PIEZO2: variants seen among roughly 807,000 people sequenced by gnomAD.
PIEZO2 encodes the protein piezo type mechanosensitive ion channel component 2, also known as piezo-type mechanosensitive ion channel component 2.
PIEZO2 carries 172 observed loss-of-function variants against 337.3 expected under a neutral mutation model. The ratio of observed to expected loss-of-function variants is 0.51; its 90% CI spans 0.45 to 0.58. The LOEUF (loss-of-function observed/expected upper bound fraction) is 0.58. PIEZO2 is among the 20% of genes least tolerant of loss of function. The pLI is 0.00. For synonymous variants in PIEZO2, 1,251 were observed against 1,228.5 expected (o/e 1.02, Z -0.38); for missense variants, 3,028 against 3,391.3 (o/e 0.89, Z 2.66).
chr18:10,762,463 G>A (rs1294694201), intron 23 of PIEZO2, 37 bp downstream of exon 23: 1 of 1,529,878 alleles, frequency 6.5e-7, no homozygotes, highest in Admixed American at 2.0e-5. Flanking sequence ...TTATATAACG[G>A]AGTGGAGGCC....
chr18:10,873,189 T>C (rs1373119259), intron 4 of PIEZO2, among the ~76,000 whole-genome samples: 1 of 152,164 alleles, frequency 6.6e-6, no homozygotes, highest in Non-Finnish European at 1.5e-5. Context: ...ACTGTTAATA[T>C]TTTGGAAAAT....
Position 10,877,898 on chromosome 18 carries a change from G to T in PIEZO2, c.330-6483C>A, listed in dbSNP as rs1241545034. On this transcript the variant is annotated intron_variant, in intron 4 of 55. Transcript: ENST00000674853. The surrounding 1 kb of genome is among the most constrained non-coding windows in gnomAD (Gnocchi z 5.3). ...TCATTTCCCTCTACCTCAAATTCCG[G>T]CCATACTGAATGCACGTACCCAGAA... 6.6e-6 allele frequency among the ~76,000 whole-genome samples: 1 copy of T among 151,858 alleles called. No homozygotes were observed. The highest frequency in any genetic ancestry group is 2.4e-5 in the African/African-American group (1 of 41,314).
At chr18:10,934,950 G>A (rs780780071) in intron 3 of PIEZO2, among the ~76,000 whole-genome samples, 7 of 152,082 alleles carry the variant, frequency 4.6e-5, no homozygotes, top group Non-Finnish European at 8.8e-5. Context: ...AGGCCACAGA[G>A]AGGTTAACTG....
chr18:11,097,416 C>T lies in PIEZO2; in HGVS notation c.65-31194G>A, dbSNP rs543697759. The stretch of plus-strand genomic sequence containing the variant: ...TGCAACGCCTGACTCATTAACTGCC[C>T]GGCCCCTCACAGAAAAAGTTTGCTG... On this transcript the variant is annotated intron_variant, in intron 1 of 55. Coordinates refer to ENST00000674853, the MANE Select transcript of PIEZO2 (RefSeq NM_001378183.1). This position sits in a 1 kb window ranked among gnomAD's most constrained non-coding sequence, Gnocchi z 5.0. 3.3e-5 allele frequency among the ~76,000 whole-genome samples: 5 copies of T among 152,260 alleles called. No individual in the cohort carries two copies. Among genetic ancestry groups the T allele is most frequent in the Admixed American group, 6.5e-5 (1 of 15,292 alleles).
At position 10,774,001 on chromosome 18, in the gene PIEZO2, C is replaced by G; in HGVS notation, c.2567+5G>C. ...AGCATTTCATGGCTTCACAGGGGGA[C>G]TTACTCATTTTGGTGGATTGGTAAT... On this transcript the variant is annotated splice_donor_5th_base_variant and intron_variant, in intron 19 of 55. Coordinates refer to ENST00000674853, the MANE Select transcript of PIEZO2 (RefSeq NM_001378183.1). The G allele has an allele frequency of 1.4e-6, 1 of 702,932 alleles. No individual in the cohort carries two copies. The allele number at this position is 702,932 out of a possible 1,614,324, so 43.5% of individuals were successfully genotyped here.
rs1199161859 is a variant in PIEZO2, at chr18:11,109,085, A to C, written c.64+39440T>G. Among the ~76,000 whole-genome samples, 1 of 152,196 alleles carries C rather than the reference A, an allele frequency of 6.6e-6. No individual in the cohort carries two copies. The highest frequency in any genetic ancestry group is 1.5e-5 in the Non-Finnish European group (1 of 68,046). On this transcript the variant is annotated intron_variant, in intron 1 of 55. Transcript: ENST00000674853. The surrounding 1 kb of genome is among the most constrained non-coding windows in gnomAD (Gnocchi z 5.1). ...CCCCTCTGTTTCCAGCATCCTGGGC[A>C]AAGGGTGACATCATGTCAGAGAACT...
Position 11,027,678 on chromosome 18 carries a change from G to A in PIEZO2, c.160+38449C>T, listed in dbSNP as rs1280184944. Among the ~76,000 whole-genome samples, 1 of 152,076 alleles carries A rather than the reference G, an allele frequency of 6.6e-6. No homozygotes were observed. Among genetic ancestry groups the A allele is most frequent in the Non-Finnish European group, 1.5e-5 (1 of 68,010 alleles). ...TCGGTGGGGTTTAAGTTCCATTTGG[G>A]GTTGTCTTTCACAATTATGTTGTAC... On this transcript the variant is annotated intron_variant, in intron 2 of 55. Transcript: ENST00000674853. The surrounding 1 kb of genome is among the most constrained non-coding windows in gnomAD (Gnocchi z 4.2).
Position 10,962,385 on chromosome 18 carries a change from C to T in PIEZO2, c.286+17150G>A, listed in dbSNP as rs180740331. Among the ~76,000 whole-genome samples the T allele has an allele frequency of 5.9e-5, 9 of 152,298 alleles. No individual in the cohort carries two copies. Among genetic ancestry groups the T allele is most frequent in the East Asian group, 3.9e-4 (2 of 5,172 alleles). ...ACTCACAACTGGCATTTTCCTTCCA[C>T]ACTTTCTCAATTGTCCCTTAACACT... On this transcript the variant is annotated intron_variant, in intron 3 of 55. Coordinates refer to ENST00000674853, the MANE Select transcript of PIEZO2 (RefSeq NM_001378183.1). The surrounding 1 kb of genome is among the most constrained non-coding windows in gnomAD (Gnocchi z 4.1).
At chr18:10,704,686 T>A (rs1567967279) in intron 41 of PIEZO2, 34 bp from the exon 42 acceptor site, 2 of 1,521,368 alleles carry the variant, frequency 1.3e-6, no homozygotes. Context: ...ATATGTCTAT[T>A]TTTTTTCTTC....
At chr18:10,687,797 A>C (rs1705336326) in intron 49 of PIEZO2, among the ~76,000 whole-genome samples, 1 of 152,114 alleles carries the variant, frequency 6.6e-6, no homozygotes, top group Non-Finnish European at 1.5e-5. Flanking sequence ...ATGGAGAGAG[A>C]GGCCTGGCTA....
rs2040607520 is a variant in PIEZO2, at chr18:10,824,357, C to A, written c.918-17083G>T. 6.6e-6 allele frequency among the ~76,000 whole-genome samples: 1 copy of A among 152,166 alleles called. No individual in the cohort carries two copies. The highest frequency in any genetic ancestry group is 2.1e-4 in the South Asian group (1 of 4,826). On this transcript the variant is annotated intron_variant, in intron 7 of 55. Transcript: ENST00000674853. The surrounding 1 kb of genome is among the most constrained non-coding windows in gnomAD (Gnocchi z 4.4). ...CTTGGTTTCCCATCTGCAGCTTTCT[C>A]TGCTGGAGTTTTTCAAAACTTCTTT...
chr18:10,882,844 T>TTC (rs1246799369), intron 4 of PIEZO2, among the ~76,000 whole-genome samples: 1 of 138,382 alleles, frequency 7.2e-6, no homozygotes, highest in Non-Finnish European at 1.6e-5. Flanking sequence ...CTTTTTTTCT[T>TTC]TTTTTTTTTT....
chr18:10,922,939 G>T (rs1372064257), intron 3 of PIEZO2, among the ~76,000 whole-genome samples: 1 of 152,110 alleles, frequency 6.6e-6, no homozygotes, highest in Non-Finnish European at 1.5e-5. Context: ...GACCTTTACT[G>T]TGTAAGTCTG....
rs2036818339 is a variant in PIEZO2 at position 11,033,644 on chromosome 18, T to A, written c.160+32483A>T. ...AGCTAGTCTGAAAACATAAACCATA[T>A]AACGAGTCAGACATATATAGCACAT... On this transcript the variant is annotated intron_variant, in intron 2 of 55. Transcript: ENST00000674853. The surrounding 1 kb of genome is among the most constrained non-coding windows in gnomAD (Gnocchi z 4.2). 6.6e-6 allele frequency among the ~76,000 whole-genome samples: 1 copy of A among 152,134 alleles called. No homozygotes were observed. The highest frequency in any genetic ancestry group is 1.5e-5 in the Non-Finnish European group (1 of 68,022).
At position 10,833,517 on chromosome 18, in the gene PIEZO2, A is replaced by G. The variant is rs1027133750; in HGVS notation, c.917+21836T>C. Among the ~76,000 whole-genome samples the G allele has an allele frequency of 6.6e-6, 1 of 152,060 alleles. No individual in the cohort carries two copies. The highest frequency in any genetic ancestry group is 1.5e-5 in the Non-Finnish European group (1 of 68,000). On this transcript the variant is annotated intron_variant, in intron 7 of 55. Transcript: ENST00000674853. The surrounding 1 kb of genome is among the most constrained non-coding windows in gnomAD (Gnocchi z 4.7). ...CCCGGTGGGTTTTTATTTCTGTTGG[A>G]GTTCAGAATAACCCGTCTGTGCCCC...
intron 2 of PIEZO2, among the ~76,000 whole-genome samples, chr18:11,017,022 C>T (rs1230431846): frequency 1.3e-5 from 2 of 152,178 alleles, no homozygotes; most frequent in Non-Finnish European, 2.9e-5. Flanking sequence ...GAACCAGGTA[C>T]ACCAGCCTGG....
At chr18:10,860,445 C>T (rs1406329871) in intron 5 of PIEZO2, among the ~76,000 whole-genome samples, 1 of 152,064 alleles carries the variant, frequency 6.6e-6, no homozygotes, top group African/African-American at 2.4e-5. Context: ...GGCCCGGGTC[C>T]CAGGGCAGCT....
chr18:10,726,353 C>G lies in PIEZO2; in HGVS notation c.5029+5054G>C, dbSNP rs1380709991. 2 of 1,503,920 alleles carry G rather than the reference C, an allele frequency of 1.3e-6. No homozygotes were observed. Among genetic ancestry groups the G allele is most frequent in the African/African-American group, 2.8e-5 (2 of 72,122 alleles). 93.2% of individuals were successfully genotyped at this position (1,503,920 alleles called of 1,614,324 possible). A position where few individuals can be genotyped will look rare whatever the true frequency, so the allele number is the denominator to read the frequency against. On this transcript the variant is annotated intron_variant, in intron 36 of 55. Coordinates refer to ENST00000674853, the MANE Select transcript of PIEZO2 (RefSeq NM_001378183.1). This position sits in a 1 kb window ranked among gnomAD's most constrained non-coding sequence, Gnocchi z 5.9. The stretch of plus-strand genomic sequence containing the variant: ...CGCCCCGCCCAGCGCTGCCTCCCTT[C>G]GCCTTCCCCGCAGGCACCCACTACC...
chr18:11,095,631 T>G (rs146265576), intron 1 of PIEZO2, among the ~76,000 whole-genome samples: 1 of 152,340 alleles, frequency 6.6e-6, no homozygotes, highest in Non-Finnish European at 1.5e-5. Flanking sequence ...ATTTTATTCA[T>G]ACCAAGCAAG....
Sources: gnomAD v4.1 joint callset for allele counts (sites outside exome capture counted in the v4.1 genomes callset) on GRCh38, gnomAD v4.1.1 for gene constraint, Gnocchi (gnomAD v3.1) non-coding constraint, MANE v1.5 for transcripts, NCBI Gene and HGNC (gene_info 2026-07-23, HGNC 2026-07-21) for gene names.